Variants in GOLGA6D observed in about 807,000 individuals in gnomAD.
The protein encoded by GOLGA6D is golgin A6 family member D, also known as golgin subfamily A member 6D.
In GOLGA6D, 9 loss-of-function variants were observed where a neutral mutation model predicts 42.1. That is an observed-to-expected ratio of 0.21 (90% CI 0.13 to 0.37). The LOEUF (loss-of-function observed/expected upper bound fraction) is 0.37, where lower values mean the gene tolerates loss of function less well. Ranked by LOEUF, GOLGA6D falls within the 10% of genes least tolerant of loss-of-function variation. GOLGA6D has a pLI of 1.00. For missense variants in GOLGA6D, 87 were observed against 420.8 expected (o/e 0.21, Z 6.94); for synonymous variants, 39 against 167.3 (o/e 0.23, Z 5.92).
In GOLGA6D at chr15:75,294,493, C is replaced by T. The variant is rs755076215; in HGVS notation, c.*18C>T. On this transcript the variant is annotated 3_prime_UTR_variant, in exon 18 of 18. Transcript: ENST00000434739. ...ACACCTAGGAGCACCCAGGCTTGCC[C>T]AGCAAACCCTGCGTGCCATTCTTCT... 7 of 1,558,684 alleles carry T rather than the reference C, an allele frequency of 4.5e-6. No homozygotes were observed. The East Asian group carries it at 1.6e-4, about 35-fold the overall frequency.
upstream of GOLGA6D, among the ~76,000 whole-genome samples, chr15:75,277,931 G>T (rs1315143374): frequency 4.4e-4 from 60 of 137,894 alleles, 4 homozygotes; most frequent in South Asian, 2.4e-4. Context: ...GTAAATCATT[G>T]TATCTATTGT....
chr15:75,286,352 CCTCCTGAACTG>C (rs1258605839), intron 2 of GOLGA6D, among the ~76,000 whole-genome samples: 11 of 19,848 alleles, frequency 5.5e-4, no homozygotes, highest in Non-Finnish European at 1.3e-3. Context: ...CTTGTCTCAG[CCTCCTGAACTG>C]CTGGGATTAC....
chr15:75,288,238 C>T lies in GOLGA6D; in HGVS notation c.458-20C>T. ...TTAGGGGGAGTCTTTTGGGCCCCATCTCAACCTCTCTCATTACAGAAGAGT... is the reference window on the plus strand; with the variant it reads ...TTAGGGGGAGTCTTTTGGGCCCCATTTCAACCTCTCTCATTACAGAAGAGT... On this transcript the variant is annotated intron_variant, in intron 6 of 17. Coordinates refer to ENST00000434739, the MANE Select transcript of GOLGA6D (RefSeq NM_001145224.3). The T allele has an allele frequency of 2.7e-6, 4 of 1,490,576 alleles. No homozygotes were observed. Among genetic ancestry groups the T allele is most frequent in the Non-Finnish European group, 3.6e-6 (4 of 1,111,190 alleles). The allele number at this position is 1,490,576 out of a possible 1,614,324, so 92.3% of individuals were successfully genotyped here.
chr15:75,278,753 G>C (rs1427517817), upstream of GOLGA6D, among the ~76,000 whole-genome samples: 1 of 151,842 alleles, frequency 6.6e-6, no homozygotes, highest in Non-Finnish European at 1.5e-5. Context: ...GAGATTCCCT[G>C]GTCCAGTCTG....
At chr15:75,293,503 T>C (rs568034660) in intron 14 of GOLGA6D, among the ~76,000 whole-genome samples, 5,939 of 131,820 alleles carry the variant, frequency 0.045, 327 homozygotes, top group East Asian at 0.14. Flanking sequence ...AAGGCTGTGC[T>C]GCCTGCACCT....
upstream of GOLGA6D, among the ~76,000 whole-genome samples, chr15:75,278,833 A>G (rs925724150): frequency 1.3e-5 from 2 of 151,650 alleles, no homozygotes; most frequent in African/African-American, 4.9e-5. Context: ...GCTCATACTT[A>G]TTAGATGGAT....
At chr15:75,279,050 C>T (rs2070838384), upstream of GOLGA6D, among the ~76,000 whole-genome samples, 3 of 147,238 alleles carry the variant, frequency 2.0e-5, no homozygotes, top group Admixed American at 7.0e-5. Context: ...AAGTTGAAAG[C>T]AAAGTTTAAA....
Position 75,294,445 on chromosome 15 carries a change from G to A in GOLGA6D, c.2052G>A (p.Val684=), listed in dbSNP as rs762146720. 6.3e-7 allele frequency: 1 copy of A among 1,597,230 alleles called. No individual in the cohort carries two copies. Among genetic ancestry groups the A allele is most frequent in the Admixed American group, 1.7e-5 (1 of 59,146 alleles). The change falls in exon 18 of 18, where the codon GTG becomes GTA. Residue 684 remains valine, a synonymous_variant. Coordinates refer to ENST00000434739, the MANE Select transcript of GOLGA6D (RefSeq NM_001145224.3). ...PHNNPTVQQI[V]QLSPVMQDT ...ACAACCCCACTGTACAGCAGATCGT[G>A]CAGCTGTCTCCTGTCATGCAGGACA... is the stretch of plus-strand genomic sequence containing the variant.
chr15:75,276,425 AC>A, the GOLGA6D span, among the ~76,000 whole-genome samples: 1 of 133,906 alleles, frequency 7.5e-6, no homozygotes, highest in Non-Finnish European at 1.6e-5. Flanking sequence ...CCCAGCCCCC[AC>A]CCCCAGGTAC....
At position 75,295,216 on chromosome 15, in the gene GOLGA6D, GGATA is replaced by G. The variant is rs2070900993; in HGVS notation, c.*744_*747del. On this transcript the variant is annotated 3_prime_UTR_variant, in exon 18 of 18. Coordinates refer to ENST00000434739, the MANE Select transcript of GOLGA6D (RefSeq NM_001145224.3). Reference sequence around the variant, plus strand: ...TGGCCTGCTCTGGCAGGTGTGTGCAGGATAGAGTGTGTTTCATTTGTTCTGGTGC... The same window carrying G: ...TGGCCTGCTCTGGCAGGTGTGTGCAGGAGTGTGTTTCATTTGTTCTGGTGC... 6.7e-6 allele frequency: 1 copy of G among 149,410 alleles called. No individual in the cohort carries two copies. The highest frequency in any genetic ancestry group is 1.5e-5 in the Non-Finnish European group (1 of 67,824). The allele number at this position is 149,410 out of a possible 1,614,324, so 9.3% of individuals were successfully genotyped here. A position where few individuals can be genotyped will look rare whatever the true frequency, so the allele number is the denominator to read the frequency against.
chr15:75,278,516 T>C (rs2070835054), upstream of GOLGA6D, among the ~76,000 whole-genome samples: 1 of 150,632 alleles, frequency 6.6e-6, no homozygotes, highest in Admixed American at 6.6e-5. Context: ...CCAGTGCAGG[T>C]GCTAGGCTTG....
chr15:75,277,569 T>TAC, the GOLGA6D span, among the ~76,000 whole-genome samples: 1 of 133,002 alleles, frequency 7.5e-6, no homozygotes, highest in African/African-American at 3.2e-5. Flanking sequence ...CTCGCACCTG[T>TAC]ACACACAGCA....
chr15:75,276,344 C>G, the GOLGA6D span, among the ~76,000 whole-genome samples: 13 of 151,254 alleles, frequency 8.6e-5, no homozygotes, highest in East Asian at 2.5e-3. Flanking sequence ...CCTCTGTCCT[C>G]ATGTGGTGCA....
At position 75,294,460 on chromosome 15, in the gene GOLGA6D, C is replaced by G; in HGVS notation, c.2067C>G (p.Val689=). ...AGCAGATCGTGCAGCTGTCTCCTGT[C>G]ATGCAGGACACCTAGGAGCACCCAG... The part of the protein sequence containing the change: ...TVQQIVQLSP[V]MQDT The change falls in exon 18 of 18, where the codon GTC becomes GTG. Residue 689 remains valine (V), a synonymous_variant. Coordinates refer to ENST00000434739, the MANE Select transcript of GOLGA6D (RefSeq NM_001145224.3). The G allele has an allele frequency of 6.3e-7, 1 of 1,595,632 alleles. No homozygotes were observed. Among genetic ancestry groups the G allele is most frequent in the Non-Finnish European group, 8.5e-7 (1 of 1,174,094 alleles).
chr15:75,289,416 C>T lies in GOLGA6D; in HGVS notation c.584C>T (p.Ala195Val), dbSNP rs772533871. The T allele has an allele frequency of 1.8e-5, 27 of 1,538,788 alleles. 3 individuals carry two copies. The highest frequency in any genetic ancestry group is 1.2e-4 in the African/African-American group (8 of 66,722). Reference sequence around the variant, plus strand: ...ATCCAGTCCTCGAGCTGCAGAGAAGCGGTCCTCCAGCGGCGGTTACAGCAG... The same window carrying T: ...ATCCAGTCCTCGAGCTGCAGAGAAGTGGTCCTCCAGCGGCGGTTACAGCAG... ...EEDRSSSCRE[A>V]VLQRRLQQTI... Residue 195 changes from alanine to valine, a missense_variant, in exon 8 of 18, where the codon GCG becomes GTG. Ala to Val is a moderately conservative substitution (Grantham distance 64, BLOSUM62 0). Coordinates refer to ENST00000434739, the MANE Select transcript of GOLGA6D (RefSeq NM_001145224.3).
At position 75,294,279 on chromosome 15, in the gene GOLGA6D, G is replaced by A. The variant is rs754712898; in HGVS notation, c.1954+18G>A. On this transcript the variant is annotated intron_variant, in intron 17 of 17. Transcript: ENST00000434739. ...GCAGGATGGTGAGTAGAGCTCTCAG[G>A]CGGGGTGGGCAGGCAGGGGCAGGGG... 1.7e-5 allele frequency: 26 copies of A among 1,512,704 alleles called. 1 individual carries two copies. Among genetic ancestry groups the A allele is most frequent in the Non-Finnish European group, 2.0e-5 (23 of 1,132,330 alleles). 93.7% of individuals were successfully genotyped at this position (1,512,704 alleles called of 1,614,324 possible).
At chr15:75,276,647 CA>C in the GOLGA6D span, among the ~76,000 whole-genome samples, 1 of 46,004 alleles carries the variant, frequency 2.2e-5, no homozygotes, top group Non-Finnish European at 4.5e-5. Flanking sequence ...AATTCTCTCC[CA>C]TGACGCCTGT....
At chr15:75,288,980 A>G (rs2070867438) in intron 7 of GOLGA6D, among the ~76,000 whole-genome samples, 1 of 126,070 alleles carries the variant, frequency 7.9e-6, no homozygotes, top group Non-Finnish European at 1.6e-5. Flanking sequence ...GGGTGTTCAA[A>G]TCCCAGCTCT....
rs1197999573 is a variant in GOLGA6D at position 75,294,455 on chromosome 15, C to G, written c.2062C>G (p.Pro688Ala). The G allele has an allele frequency of 1.9e-6, 3 of 1,596,444 alleles. No individual in the cohort carries two copies. In the East Asian group the frequency reaches 6.7e-5, roughly 36 times the overall value. ...TGTACAGCAGATCGTGCAGCTGTCT[C>G]CTGTCATGCAGGACACCTAGGAGCA... is the stretch of plus-strand genomic sequence containing the variant. ...PTVQQIVQLS[P>A]VMQDT is the part of the protein sequence containing the mutation. The change falls in exon 18 of 18, where the codon CCT (proline) becomes GCT (alanine). Residue 688 changes from proline to alanine, a missense_variant. By Grantham distance (27) the Pro-to-Ala change is conservative (BLOSUM62 -1). Coordinates refer to ENST00000434739, the MANE Select transcript of GOLGA6D (RefSeq NM_001145224.3).
Sources: allele counts gnomAD v4.1 joint callset (sites outside exome capture counted in the v4.1 genomes callset), GRCh38; gene constraint gnomAD v4.1.1; transcripts MANE v1.5; gene names NCBI Gene and HGNC (gene_info 2026-07-23, HGNC 2026-07-21).